Variants in HACD2 observed in about 807,000 individuals in gnomAD.
HACD2 encodes very-long-chain (3R)-3-hydroxyacyl-CoA dehydratase 2.
In HACD2, 15 loss-of-function variants were observed where a neutral mutation model predicts 31.0. That is an observed-to-expected ratio of 0.48 (90% CI 0.32 to 0.75). The LOEUF (loss-of-function observed/expected upper bound fraction) is 0.75, where lower values mean the gene tolerates loss of function less well. Ranked by LOEUF, HACD2 falls within the 30% of genes least tolerant of loss-of-function variation. HACD2 has a pLI of 0.03. For missense variants in HACD2, 283 were observed against 313.0 expected, an observed-to-expected ratio of 0.90 and a Z score of 0.72; for synonymous variants, 115 against 122.2, an observed-to-expected ratio of 0.94 and a Z score of 0.39.
At chr3:123,497,852 G>A (rs936990105) in intron 6 of HACD2, among the ~76,000 whole-genome samples, 1 of 152,218 alleles carries the variant, frequency 6.6e-6, no homozygotes, top group African/African-American at 2.4e-5. Context: ...CCCATGAAAA[G>A]GAGGTGTTAC....
chr3:123,517,062 A>G (rs1337316672), intron 4 of HACD2, among the ~76,000 whole-genome samples: 2 of 152,212 alleles, frequency 1.3e-5, no homozygotes, highest in East Asian at 3.8e-4. Flanking sequence ...CTTGCCATTT[A>G]AGCAGTTACC....
intron 4 of HACD2, among the ~76,000 whole-genome samples, chr3:123,514,101 C>A (rs938745918): frequency 6.6e-6 from 1 of 152,152 alleles, no homozygotes; most frequent in Non-Finnish European, 1.5e-5. Flanking sequence ...ATGGTGAAAC[C>A]CTGCCACTAC....
intron 4 of HACD2, among the ~76,000 whole-genome samples, chr3:123,511,857 A>G (rs780333591): frequency 1.2e-4 from 19 of 152,218 alleles, no homozygotes; most frequent in Non-Finnish European, 2.1e-4. Flanking sequence ...CTGATCCCCA[A>G]TGCTGGGGGT....
intron 4 of HACD2, among the ~76,000 whole-genome samples, chr3:123,522,972 G>T (rs2056235068): frequency 1.3e-5 from 2 of 152,158 alleles, no homozygotes. Flanking sequence ...CTGAATGATG[G>T]GGGTAAGAAG....
chr3:123,547,182 A>G (rs2056569583), intron 3 of HACD2, among the ~76,000 whole-genome samples: 1 of 152,162 alleles, frequency 6.6e-6, no homozygotes, highest in African/African-American at 2.4e-5. Context: ...TTAATAAATA[A>G]TTTTCCTTTA....
intron 2 of HACD2, among the ~76,000 whole-genome samples, chr3:123,579,435 T>A (rs1576247727): frequency 6.6e-6 from 1 of 151,856 alleles, no homozygotes; most frequent in Middle Eastern, 3.4e-3. Context: ...TAGCTGGGAC[T>A]ACAGGTACCC....
intron 3 of HACD2, among the ~76,000 whole-genome samples, chr3:123,531,129 G>C (rs528179600): frequency 4.7e-4 from 71 of 152,180 alleles, no homozygotes; most frequent in Admixed American, 1.1e-3. Flanking sequence ...GCCTCCCAAA[G>C]TGCTGGGATT....
chr3:123,532,857 A>T (rs2056381067), intron 3 of HACD2, among the ~76,000 whole-genome samples: 2 of 150,746 alleles, frequency 1.3e-5, no homozygotes, highest in South Asian at 4.2e-4. Context: ...AAAAAAAAAA[A>T]AAGACTGTCA....
chr3:123,502,358 A>G (rs991422987), intron 5 of HACD2, among the ~76,000 whole-genome samples: 1 of 152,244 alleles, frequency 6.6e-6, no homozygotes, highest in Non-Finnish European at 1.5e-5. Flanking sequence ...TAATTTAAGT[A>G]AAATATAAAA....
chr3:123,498,468 G>C (rs2055862190), intron 6 of HACD2, among the ~76,000 whole-genome samples: 1 of 152,194 alleles, frequency 6.6e-6, no homozygotes, highest in Non-Finnish European at 1.5e-5. Flanking sequence ...GAGGTGAGTG[G>C]TGGGCAAATG....
chr3:123,566,665 G>C (rs1048976472), intron 3 of HACD2, among the ~76,000 whole-genome samples: 1 of 151,924 alleles, frequency 6.6e-6, no homozygotes, highest in African/African-American at 2.4e-5. Context: ...GGGAGGCCAA[G>C]GTGGGTGGAT....
At chr3:123,504,432 G>A (rs1456403886) in intron 4 of HACD2, among the ~76,000 whole-genome samples, 1 of 152,036 alleles carries the variant, frequency 6.6e-6, no homozygotes, top group Non-Finnish European at 1.5e-5. Context: ...TAATTGCGGA[G>A]CAAATGAATT....
At chr3:123,547,697 T>C (rs2056575278) in intron 3 of HACD2, among the ~76,000 whole-genome samples, 2 of 152,126 alleles carry the variant, frequency 1.3e-5, no homozygotes, top group Admixed American at 1.3e-4. Context: ...TGAGGTGGTA[T>C]ATGTTAGACC....
intron 3 of HACD2, among the ~76,000 whole-genome samples, chr3:123,558,401 T>C (rs2056694155): frequency 6.6e-6 from 1 of 152,178 alleles, no homozygotes; most frequent in Non-Finnish European, 1.5e-5. Context: ...GAGTGAACTA[T>C]GGGCTTTGGA....
chr3:123,539,361 G>A (rs1318949867), intron 3 of HACD2, among the ~76,000 whole-genome samples: 1 of 152,128 alleles, frequency 6.6e-6, no homozygotes, highest in African/African-American at 2.4e-5. Flanking sequence ...CTTGAGGTCA[G>A]GAGTTTGAGA....
intron 3 of HACD2, among the ~76,000 whole-genome samples, chr3:123,539,090 T>C (rs1452423930): frequency 1.3e-5 from 2 of 152,144 alleles, no homozygotes; most frequent in Non-Finnish European, 2.9e-5. Context: ...AATATTGATT[T>C]TCCCTGAAAA....
At position 123,584,804 on chromosome 3, in the gene HACD2, C is replaced by T. The variant is rs1020424819; in HGVS notation, c.155+69G>A. On this transcript the variant is annotated intron_variant, in intron 1 of 6. Coordinates refer to ENST00000383657, the MANE Select transcript of HACD2 (RefSeq NM_198402.5). ...GGCGGGCCGCGCCGATCCTATCCGCCCCGCCGCTGGCCGCAGGGCTCCCTC... is the reference window on the plus strand; with the variant it reads ...GGCGGGCCGCGCCGATCCTATCCGCTCCGCCGCTGGCCGCAGGGCTCCCTC... The T allele has an allele frequency of 1.9e-5, 25 of 1,285,232 alleles. No individual in the cohort carries two copies. The Admixed American group carries it at 8.2e-4, about 42-fold the overall frequency. 79.6% of individuals were successfully genotyped at this position (1,285,232 alleles called of 1,614,324 possible).
chr3:123,513,292 G>T (rs1576738928), intron 4 of HACD2, among the ~76,000 whole-genome samples: 1 of 152,326 alleles, frequency 6.6e-6, no homozygotes, highest in Non-Finnish European at 1.5e-5. Context: ...AGAAATGACA[G>T]AAATAGACAG....
In HACD2 at chr3:123,500,672, C is replaced by G. The variant is rs568353232; in HGVS notation, c.525G>C (p.Leu175=). Residue 175 remains leucine, a synonymous_variant, in exon 6 of 7, where the codon CTG becomes CTC. Coordinates refer to ENST00000383657, the MANE Select transcript of HACD2 (RefSeq NM_198402.5). The part of the protein sequence containing the change: ...KWARYTLFIV[L]YPMGVSGELL... ...GTTCTCCTGACACTCCCATTGGGTA[C>G]AGCACAATGAAAAGTGTGTACCTAA... 3 of 1,603,700 alleles carry G rather than the reference C, an allele frequency of 1.9e-6. No individual in the cohort carries two copies. The highest frequency in any genetic ancestry group is 2.5e-6 in the Non-Finnish European group (3 of 1,177,014).
Sources: allele counts gnomAD v4.1 joint callset (sites outside exome capture counted in the v4.1 genomes callset), GRCh38; gene constraint gnomAD v4.1.1; transcripts MANE v1.5; gene names NCBI Gene and HGNC (gene_info 2026-07-23, HGNC 2026-07-21).